Variants in AJAP1 observed in about 807,000 individuals in gnomAD.
The protein encoded by AJAP1 is adherens junctions associated protein 1, also known as adherens junction-associated protein 1.
A neutral mutation model predicts 35.0 loss-of-function variants in AJAP1; 5 were observed. That is an observed-to-expected ratio of 0.14 (90% confidence interval 0.07 to 0.30). The LOEUF (loss-of-function observed/expected upper bound fraction) is 0.30, where lower values mean the gene tolerates loss of function less well. Among genes scored for constraint, AJAP1 ranks in the 10% least tolerant of loss-of-function variants. The pLI, the probability that AJAP1 is intolerant of heterozygous loss-of-function variation, is 1.00. For missense variants in AJAP1, 586 were observed against 571.0 expected (o/e 1.03, Z -0.27); for synonymous variants, 284 against 249.3 (o/e 1.14, Z -1.31).
chr1:4,693,652 C>G lies in AJAP1; in HGVS notation c.30-18248C>G, dbSNP rs934574395. Among the ~76,000 whole-genome samples, 1 of 152,148 alleles carries G rather than the reference C, an allele frequency of 6.6e-6. No individual in the cohort carries two copies. The highest frequency in any genetic ancestry group is 2.4e-5 in the African/African-American group (1 of 41,434). ...TGCGGCTCTAACAATATATGTGAGACTGGGCATTTTATAAAAAGCAGAGAT... is the reference window on the plus strand; with the variant it reads ...TGCGGCTCTAACAATATATGTGAGAGTGGGCATTTTATAAAAAGCAGAGAT... On this transcript the variant is annotated intron_variant, in intron 1 of 5. Transcript: ENST00000378191. The surrounding 1 kb of genome is among the most constrained non-coding windows in gnomAD (Gnocchi z 4.4).
intron 2 of AJAP1, among the ~76,000 whole-genome samples, chr1:4,763,025 C>T (rs187876352): frequency 6.6e-6 from 1 of 152,126 alleles, no homozygotes; most frequent in Non-Finnish European, 1.5e-5. Context: ...AAGGAAACAA[C>T]CAGGGATGGG....
chr1:4,678,717 C>A (rs564141524), intron 1 of AJAP1, among the ~76,000 whole-genome samples: 133 of 152,338 alleles, frequency 8.7e-4, no homozygotes, highest in African/African-American at 3.0e-3. Context: ...GTCCCACCCA[C>A]ACTCGAGGGA....
chr1:4,657,761 A>T (rs1455659438), intron 1 of AJAP1, among the ~76,000 whole-genome samples: 1 of 149,544 alleles, frequency 6.7e-6, no homozygotes, highest in East Asian at 2.0e-4. Flanking sequence ...GGCCCCAGAG[A>T]CGAAGTCTGG....
intron 2 of AJAP1, among the ~76,000 whole-genome samples, chr1:4,763,164 A>G (rs1221116245): frequency 1.3e-5 from 2 of 152,110 alleles, no homozygotes; most frequent in Non-Finnish European, 2.9e-5. Flanking sequence ...GCCCTTACCC[A>G]TTAGATGCAG....
chr1:4,762,828 G>C (rs985372372), intron 2 of AJAP1, among the ~76,000 whole-genome samples: 3 of 152,254 alleles, frequency 2.0e-5, no homozygotes, highest in South Asian at 4.2e-4. Context: ...CCCACTTCAT[G>C]GTGCTGTAGT....
chr1:4,675,474 C>T (rs1190046098), intron 1 of AJAP1, among the ~76,000 whole-genome samples: 1 of 152,180 alleles, frequency 6.6e-6, no homozygotes, highest in African/African-American at 2.4e-5. Flanking sequence ...AGCCCCTGGC[C>T]TTGGTGTCCC....
At chr1:4,705,444 C>T (rs72638824) in intron 1 of AJAP1, among the ~76,000 whole-genome samples, 6,958 of 127,850 alleles carry the variant, frequency 0.054, 300 homozygotes, top group Middle Eastern at 0.085. Context: ...AGTACTCCTC[C>T]CCCTCCAAGA....
At chr1:4,699,504 A>G (rs1639941092) in intron 1 of AJAP1, among the ~76,000 whole-genome samples, 1 of 152,184 alleles carries the variant, frequency 6.6e-6, no homozygotes. Context: ...ATAACCTGAC[A>G]TTTATTCCTC....
rs370569738 is a variant in AJAP1 at position 4,724,215 on chromosome 1, G to A, written c.829+11516G>A. On this transcript the variant is annotated intron_variant, in intron 2 of 5. Coordinates refer to ENST00000378191, the MANE Select transcript of AJAP1 (RefSeq NM_018836.4). ...GCGAATGCCAGGCGGAACCATGGGC[G>A]GTGGTGGTGATGGCGGCCGGGATGA... Among the ~76,000 whole-genome samples, 91 of 152,286 alleles carry A rather than the reference G, an allele frequency of 6.0e-4. 1 individual carries two copies. The East Asian group carries it at 6.6e-3, about 11-fold the overall frequency.
chr1:4,691,407 G>A (rs1371078159), intron 1 of AJAP1, among the ~76,000 whole-genome samples: 1 of 152,250 alleles, frequency 6.6e-6, no homozygotes, highest in Non-Finnish European at 1.5e-5. Context: ...GGTGCCCTGT[G>A]CTTCTGTCGT....
intron 1 of AJAP1, among the ~76,000 whole-genome samples, chr1:4,699,942 G>A (rs1386093440): frequency 6.6e-6 from 1 of 152,180 alleles, no homozygotes; most frequent in Non-Finnish European, 1.5e-5. Flanking sequence ...TATTATTTTA[G>A]TATCCTACGC....
Position 4,702,388 on chromosome 1 carries a change from C to T in AJAP1, c.30-9512C>T, listed in dbSNP as rs182151312. Among the ~76,000 whole-genome samples, 11 of 152,328 alleles carry T rather than the reference C, an allele frequency of 7.2e-5. No individual in the cohort carries two copies. The East Asian group carries it at 1.5e-3, about 21-fold the overall frequency. ...TTGGGTTAAGATTAGTGCTTTGTCA[C>T]GTATGGCCTGCAAAGTACCGATCCA... On this transcript the variant is annotated intron_variant, in intron 1 of 5. Coordinates refer to ENST00000378191, the MANE Select transcript of AJAP1 (RefSeq NM_018836.4).
chr1:4,775,636 A>G (rs547387344), intron 5 of AJAP1, among the ~76,000 whole-genome samples: 64 of 152,298 alleles, frequency 4.2e-4, no homozygotes, highest in African/African-American at 1.4e-3. Flanking sequence ...TCATCCTGGC[A>G]CTAATGAACT....
chr1:4,684,452 A>G (rs1370504150), intron 1 of AJAP1, among the ~76,000 whole-genome samples: 1 of 152,090 alleles, frequency 6.6e-6, no homozygotes, highest in Admixed American at 6.5e-5. Flanking sequence ...GAGACCAAGG[A>G]GCAAGGTCTA....
chr1:4,730,039 C>T (rs1253901153), intron 2 of AJAP1, among the ~76,000 whole-genome samples: 1 of 152,290 alleles, frequency 6.6e-6, no homozygotes, highest in Non-Finnish European at 1.5e-5. Context: ...CACGCAACCC[C>T]AGAAGAGAGA....
intron 2 of AJAP1, among the ~76,000 whole-genome samples, chr1:4,757,942 G>T (rs1206789466): frequency 3.8e-5 from 3 of 79,666 alleles, no homozygotes; most frequent in African/African-American, 1.3e-4. Context: ...ACCCGTGGGA[G>T]GCAGAATTTA....
intron 2 of AJAP1, among the ~76,000 whole-genome samples, chr1:4,741,668 A>G (rs115486560): frequency 0.022 from 3,302 of 152,272 alleles, 78 homozygotes; most frequent in South Asian, 0.12. Flanking sequence ...TTGGCTCTCC[A>G]ATTAAGAGGC....
At chr1:4,766,850 G>A (rs1259184448) in intron 2 of AJAP1, among the ~76,000 whole-genome samples, 9 of 152,066 alleles carry the variant, frequency 5.9e-5, no homozygotes, top group Non-Finnish European at 2.9e-5. Flanking sequence ...TTCTTCTTTA[G>A]CATCAGGCAC....
chr1:4,735,788 T>A (rs534144313), intron 2 of AJAP1, among the ~76,000 whole-genome samples: 9 of 152,302 alleles, frequency 5.9e-5, no homozygotes, highest in African/African-American at 1.9e-4. Flanking sequence ...GGTCCCATCT[T>A]CCTGAAAATG....
Sources: allele counts gnomAD v4.1 joint callset (sites outside exome capture counted in the v4.1 genomes callset), GRCh38; gene constraint gnomAD v4.1.1; non-coding constraint Gnocchi (gnomAD v3.1); transcripts MANE v1.5; gene names NCBI Gene and HGNC (gene_info 2026-07-23, HGNC 2026-07-21).